Variants in DOCK3 observed in about 807,000 individuals in gnomAD.
DOCK3 encodes the protein dedicator of cytokinesis protein 3.
Under a neutral mutation model 265.6 loss-of-function variants are expected in DOCK3, and 60 were observed. The ratio of observed to expected loss-of-function variants is 0.23; its 90% CI spans 0.18 to 0.28. The LOEUF (loss-of-function observed/expected upper bound fraction) is 0.28. DOCK3 is among the 10% of genes least tolerant of loss of function. The pLI is 1.00. For synonymous variants in DOCK3, 881 were observed against 938.0 expected, an observed-to-expected ratio of 0.94 and a Z score of 1.11; for missense variants, 1,981 against 2,594.3, an observed-to-expected ratio of 0.76 and a Z score of 5.14.
At chr3:51,220,709 GTA>G (rs3073874) in intron 14 of DOCK3, among the ~76,000 whole-genome samples, 217 of 132,370 alleles carry the variant, frequency 1.6e-3, no homozygotes, top group Non-Finnish European at 2.2e-3. Flanking sequence ...GTGTGTGTGT[GTA>G]TATATATATA....
chr3:51,227,489 A>G (rs2090378213), intron 16 of DOCK3, 44 bp downstream of exon 16: 1 of 1,609,620 alleles, frequency 6.2e-7, no homozygotes, highest in Non-Finnish European at 8.5e-7. Flanking sequence ...GAGAATATAA[A>G]TATAACTCTC....
intron 5 of DOCK3, among the ~76,000 whole-genome samples, chr3:50,979,324 G>C (rs1235592952): frequency 6.6e-6 from 1 of 152,148 alleles, no homozygotes; most frequent in African/African-American, 2.4e-5. Flanking sequence ...ATATAGTTCA[G>C]ATATTTGTCC....
At chr3:51,002,151 A>G (rs2078505306) in intron 5 of DOCK3, among the ~76,000 whole-genome samples, 1 of 151,484 alleles carries the variant, frequency 6.6e-6, no homozygotes. Context: ...GTCTCAGTAT[A>G]TTGCCCAAGC....
intron 3 of DOCK3, chr3:50,877,399 T>C (rs1183588374): frequency 1.9e-6 from 1 of 519,202 alleles, no homozygotes; most frequent in East Asian, 5.5e-5. Flanking sequence ...GTCAAGATTA[T>C]AGCTGCTTCT....
intron 9 of DOCK3, among the ~76,000 whole-genome samples, chr3:51,120,459 G>T (rs59682667): frequency 6.6e-6 from 1 of 152,166 alleles, no homozygotes; most frequent in South Asian, 2.1e-4. Flanking sequence ...ACCCACTTGA[G>T]GAGGCTGTCT....
At chr3:50,927,139 T>G (rs2050796799) in intron 4 of DOCK3, among the ~76,000 whole-genome samples, 1 of 152,200 alleles carries the variant, frequency 6.6e-6, no homozygotes, top group South Asian at 2.1e-4. Context: ...TTGTTTCTTA[T>G]GCTTGGGATT....
intron 1 of DOCK3, among the ~76,000 whole-genome samples, chr3:50,719,157 C>G (rs942608967): frequency 6.6e-6 from 1 of 151,236 alleles, no homozygotes; most frequent in Non-Finnish European, 1.5e-5. Flanking sequence ...TTCTTGTATT[C>G]TCTTTTTTTT....
At chr3:50,807,090 C>A (rs1273343837) in intron 2 of DOCK3, among the ~76,000 whole-genome samples, 1 of 152,130 alleles carries the variant, frequency 6.6e-6, no homozygotes, top group Non-Finnish European at 1.5e-5. Flanking sequence ...TCTTCGGAAT[C>A]CAGTCACCAC....
chr3:51,355,403 T>C (rs1451706754), intron 41 of DOCK3, among the ~76,000 whole-genome samples: 1 of 152,214 alleles, frequency 6.6e-6, no homozygotes, highest in Non-Finnish European at 1.5e-5. Flanking sequence ...ATACCACCTG[T>C]GCTGTGCCCT....
rs886921948 is a variant in DOCK3, at chr3:50,754,576, T to G, written c.38-24099T>G. 4.9e-3 allele frequency among the ~76,000 whole-genome samples: 733 copies of G among 149,442 alleles called. 7 individuals carry two copies. Among genetic ancestry groups the G allele is most frequent in the Non-Finnish European group, 7.8e-3 (523 of 67,398 alleles). ...TTAACAACTTTTTTTTTTTTTTTTT[T>G]GGGACGGAGTTTTGCTCTTGTCGCC... is the stretch of plus-strand genomic sequence containing the variant. On this transcript the variant is annotated intron_variant, in intron 1 of 52. Transcript: ENST00000266037.
At chr3:50,719,443 A>G (rs1576222920) in intron 1 of DOCK3, 1 of 656,130 alleles carries the variant, frequency 1.5e-6, no homozygotes, top group East Asian at 2.6e-5. Flanking sequence ...CTACGGAAGG[A>G]ATGGTCTGAT....
chr3:51,208,747 A>C, intron 12 of DOCK3, 27 bp from the exon 13 acceptor site: 1 of 1,576,958 alleles, frequency 6.3e-7, no homozygotes. Flanking sequence ...ATACTTGAGT[A>C]CCATAACACC....
chr3:51,350,778 C>T (rs2085923768), intron 40 of DOCK3, among the ~76,000 whole-genome samples: 5 of 152,234 alleles, frequency 3.3e-5, no homozygotes, highest in Admixed American at 2.6e-4. Context: ...TAACAGTAGA[C>T]TGGCCTCTTA....
rs532219036 is a variant in DOCK3 at position 50,779,375 on chromosome 3, T to A, written c.121+617T>A. 7.9e-4 allele frequency among the ~76,000 whole-genome samples: 121 copies of A among 152,236 alleles called. 1 individual carries two copies. The highest frequency in any genetic ancestry group is 1.8e-3 in the African/African-American group (76 of 41,570). On this transcript the variant is annotated intron_variant, in intron 2 of 52. Coordinates refer to ENST00000266037, the MANE Select transcript of DOCK3 (RefSeq NM_004947.5). ...TTAGAACAGGTCCTCAAATTTTTTT[T>A]AATTTTTGTTTATTTATTTTTTTTT...
At chr3:51,267,964 G>C (rs2080289633) in intron 23 of DOCK3, among the ~76,000 whole-genome samples, 1 of 152,030 alleles carries the variant, frequency 6.6e-6, no homozygotes, top group Admixed American at 6.6e-5. Flanking sequence ...ACACAGGGAG[G>C]GGAACATTAC....
intron 10 of DOCK3, among the ~76,000 whole-genome samples, chr3:51,147,709 A>G (rs1044038154): frequency 6.6e-6 from 1 of 152,306 alleles, no homozygotes; most frequent in East Asian, 1.9e-4. Flanking sequence ...CATGGTGTAT[A>G]TGTGCCACAT....
At chr3:51,288,766 A>G (rs746596628) in intron 27 of DOCK3, among the ~76,000 whole-genome samples, 1 of 152,170 alleles carries the variant, frequency 6.6e-6, no homozygotes, top group Non-Finnish European at 1.5e-5. Context: ...AAAGAAACTG[A>G]GAGCTTGAAA....
At chr3:51,310,016 G>A (rs2082971450) in intron 27 of DOCK3, among the ~76,000 whole-genome samples, 1 of 152,174 alleles carries the variant, frequency 6.6e-6, no homozygotes, top group South Asian at 2.1e-4. Context: ...AGCTACCTCT[G>A]TTCTGCCCAG....
At chr3:51,247,363 T>C (rs1424209536) in intron 22 of DOCK3, among the ~76,000 whole-genome samples, 1 of 152,242 alleles carries the variant, frequency 6.6e-6, no homozygotes, top group Non-Finnish European at 1.5e-5. Flanking sequence ...AAGGCAGCCC[T>C]TTGTATTGCT....
Sources: allele counts gnomAD v4.1 joint callset (sites outside exome capture counted in the v4.1 genomes callset), GRCh38; gene constraint gnomAD v4.1.1; transcripts MANE v1.5; gene names NCBI Gene and HGNC (gene_info 2026-07-23, HGNC 2026-07-21).